The following CEP85 variants were observed in gnomAD, a reference collection of about 807,000 sequenced individuals.
CEP85 encodes the protein centrosomal protein 85, also known as centrosomal protein of 85 kDa.
In CEP85, 58 loss-of-function variants were observed where a neutral mutation model predicts 93.7. The observed-to-expected ratio is 0.62, with a 90% CI of 0.50 to 0.77. The LOEUF (loss-of-function observed/expected upper bound fraction) is 0.77, where lower values mean the gene tolerates loss of function less well. CEP85 is among the 30% of genes least tolerant of loss of function. CEP85 has a pLI of 0.00. For synonymous variants in CEP85, 314 were observed against 338.6 expected, an observed-to-expected ratio of 0.93 and a Z score of 0.80; for missense variants, 868 against 922.0, an observed-to-expected ratio of 0.94 and a Z score of 0.76.
In CEP85 at chr1:26,268,040, G is replaced by A. The variant is rs146520105; in HGVS notation, c.1342-443G>A. ...AAAACTGCCCTAGAAGACTTTCTCC[G>A]TCCTTGATTTGAAAGTTCATTAATT... On this transcript the variant is annotated intron_variant, in intron 7 of 13. Coordinates refer to ENST00000451429, the MANE Select transcript of CEP85 (RefSeq NM_001319944.2). Among the ~76,000 whole-genome samples the A allele has an allele frequency of 2.3e-4, 35 of 152,294 alleles. No homozygotes were observed. In the East Asian group the frequency reaches 4.2e-3, roughly 18 times the overall value.
intron 4 of CEP85, among the ~76,000 whole-genome samples, chr1:26,256,149 A>C (rs1435452679): frequency 6.6e-6 from 1 of 152,196 alleles, no homozygotes; most frequent in African/African-American, 2.4e-5. Flanking sequence ...CATTTTATTT[A>C]ATCTTCATAG....
chr1:26,245,508 C>T (rs1360293156), intron 3 of CEP85, among the ~76,000 whole-genome samples: 1 of 152,128 alleles, frequency 6.6e-6, no homozygotes, highest in Non-Finnish European at 1.5e-5. Context: ...TATCATTCTC[C>T]TTGCATTCTT....
chr1:26,270,966 C>A, intron 9 of CEP85, 48 bp from the exon 10 acceptor site: 1 of 1,158,976 alleles, frequency 8.6e-7, no homozygotes, highest in Non-Finnish European at 1.3e-6. Context: ...AGAATCAAAG[C>A]CACTTGTGTC....
chr1:26,256,756 G>A (rs1253718699), intron 4 of CEP85, among the ~76,000 whole-genome samples: 1 of 150,560 alleles, frequency 6.6e-6, no homozygotes, highest in African/African-American at 2.4e-5. Context: ...GTGCCAACAC[G>A]CCCAGCTCTT....
At chr1:26,275,844 A>G (rs1451759659) in intron 12 of CEP85, among the ~76,000 whole-genome samples, 1 of 152,222 alleles carries the variant, frequency 6.6e-6, no homozygotes, top group Non-Finnish European at 1.5e-5. Context: ...CTCTATAAAA[A>G]TACAATCAAG....
intron 2 of CEP85, among the ~76,000 whole-genome samples, chr1:26,241,061 T>TAAAGAAGAGGGC (rs1292583776): frequency 6.6e-6 from 1 of 152,094 alleles, no homozygotes; most frequent in East Asian, 1.9e-4. Flanking sequence ...GGGGTATTGG[T>TAAAGAAGAGGGC]AAAGAAGAGG....
At chr1:26,245,187 A>T (rs990874794) in intron 3 of CEP85, among the ~76,000 whole-genome samples, 12 of 144,270 alleles carry the variant, frequency 8.3e-5, no homozygotes, top group Admixed American at 2.8e-4. Context: ...ACACCCAGCT[A>T]TTTTTTTTTT....
intron 4 of CEP85, among the ~76,000 whole-genome samples, chr1:26,256,417 A>G (rs1328623379): frequency 2.0e-5 from 3 of 151,644 alleles, no homozygotes; most frequent in African/African-American, 7.3e-5. Context: ...TGTAGTCCCA[A>G]CTACTCAGGA....
rs1436405578 is a variant in CEP85, at chr1:26,234,613, C to A, written c.-23+303C>A. Among the ~76,000 whole-genome samples the A allele has an allele frequency of 3.3e-5, 5 of 152,242 alleles. No individual in the cohort carries two copies. The East Asian group carries it at 9.6e-4, about 29-fold the overall frequency. On this transcript the variant is annotated intron_variant, in intron 1 of 13. Transcript: ENST00000451429. ...GCGAGCGGCGCATTCCTTGCCCTTG[C>A]GGAGCGCACAGCCCTGGGAGTCGAC...
intron 3 of CEP85, among the ~76,000 whole-genome samples, chr1:26,249,732 G>A (rs959500933): frequency 6.6e-6 from 1 of 152,182 alleles, no homozygotes; most frequent in African/African-American, 2.4e-5. Context: ...TCAAAAATGA[G>A]TTGTTTTTTA....
intron 12 of CEP85, 23 bp downstream of exon 12, chr1:26,275,094 C>T: frequency 1.3e-6 from 2 of 1,538,228 alleles, no homozygotes; most frequent in Non-Finnish European, 8.8e-7. Flanking sequence ...AGTCAGACCT[C>T]TTGGTTTTGC....
chr1:26,276,639 G>A lies in CEP85; in HGVS notation c.2007G>A (p.Leu669=), dbSNP rs757751786. 5 of 1,614,106 alleles carry A rather than the reference G, an allele frequency of 3.1e-6. No individual in the cohort carries two copies. Among genetic ancestry groups the A allele is most frequent in the Non-Finnish European group, 2.5e-6 (3 of 1,180,052 alleles). ...GSPPSPDTAQ[L]ALELHQELAS... ...CACCTTCACCAGACACGGCCCAGCT[G>A]GCACTTGAGCTGCACCAGGAGTTGG... is the stretch of plus-strand genomic sequence containing the variant. The change falls in exon 13 of 14, where the codon CTG becomes CTA. Residue 669 remains leucine (L), a synonymous_variant. Transcript: ENST00000451429.
intron 2 of CEP85, among the ~76,000 whole-genome samples, chr1:26,240,832 A>C (rs1427994706): frequency 1.3e-5 from 2 of 151,910 alleles, no homozygotes; most frequent in East Asian, 3.9e-4. Context: ...CGGGAAGCAG[A>C]GGTTGAGGTG....
chr1:26,265,738 C>G (rs910291821), intron 7 of CEP85, among the ~76,000 whole-genome samples: 6 of 152,056 alleles, frequency 3.9e-5, no homozygotes, highest in African/African-American at 1.4e-4. Flanking sequence ...ACTTTTCTGC[C>G]CCAAGTCATT....
intron 7 of CEP85, among the ~76,000 whole-genome samples, chr1:26,261,116 C>T (rs1035362078): frequency 4.0e-5 from 6 of 151,764 alleles, no homozygotes; most frequent in Non-Finnish European, 8.8e-5. Context: ...GACAAGCTCC[C>T]AGGTGATGCT....
chr1:26,270,406 T>C (rs796352272), intron 9 of CEP85, among the ~76,000 whole-genome samples: 6 of 152,228 alleles, frequency 3.9e-5, no homozygotes, highest in African/African-American at 1.4e-4. Flanking sequence ...TCAGGATGTC[T>C]TGGGAGCCTT....
At chr1:26,266,634 G>C (rs2089898966) in intron 7 of CEP85, among the ~76,000 whole-genome samples, 1 of 152,184 alleles carries the variant, frequency 6.6e-6, no homozygotes. Flanking sequence ...GATTTTCAGG[G>C]ATCTTTCTTT....
intron 2 of CEP85, among the ~76,000 whole-genome samples, chr1:26,240,723 C>T (rs2089408358): frequency 6.6e-6 from 1 of 152,058 alleles, no homozygotes; most frequent in Non-Finnish European, 1.5e-5. Flanking sequence ...GGTAAAACTC[C>T]ATGTCTACTA....
chr1:26,267,562 CAAAAA>C (rs913668486), intron 7 of CEP85, among the ~76,000 whole-genome samples: 1 of 151,672 alleles, frequency 6.6e-6, no homozygotes. Flanking sequence ...GAAACTGTCT[CAAAAA>C]AAGGGGGGTG....
Sources: allele counts gnomAD v4.1 joint callset (sites outside exome capture counted in the v4.1 genomes callset), GRCh38; gene constraint gnomAD v4.1.1; transcripts MANE v1.5; gene names NCBI Gene and HGNC (gene_info 2026-07-23, HGNC 2026-07-21).